CYP4Z1: variants seen among roughly 807,000 people sequenced by gnomAD.
CYP4Z1 encodes the protein cytochrome P450 4Z1.
A neutral mutation model predicts 54.2 loss-of-function variants in CYP4Z1; 41 were observed. The observed-to-expected ratio is 0.76, with a 90% CI of 0.59 to 0.98. The LOEUF (loss-of-function observed/expected upper bound fraction) is 0.98, where lower values mean the gene tolerates loss of function less well. CYP4Z1 is among the 50% of genes least tolerant of loss of function. CYP4Z1 has a pLI of 0.00. For missense variants in CYP4Z1, 513 were observed against 599.0 expected, an observed-to-expected ratio of 0.86 and a Z score of 1.50; for synonymous variants, 163 against 206.2, an observed-to-expected ratio of 0.79 and a Z score of 1.79.
At chr1:47,073,883 A>G (rs572640175) in intron 2 of CYP4Z1, among the ~76,000 whole-genome samples, 2 of 152,356 alleles carry the variant, frequency 1.3e-5, no homozygotes, top group East Asian at 1.9e-4. Context: ...AACATTTTCT[A>G]TTATTTTGTG....
intron 9 of CYP4Z1, among the ~76,000 whole-genome samples, chr1:47,112,347 A>C (rs990033017): frequency 2.6e-5 from 4 of 152,240 alleles, no homozygotes; most frequent in African/African-American, 9.6e-5. Flanking sequence ...CAATTTTCAC[A>C]GGACTAGAGA....
chr1:47,101,280 T>A (rs1644719632), intron 8 of CYP4Z1, among the ~76,000 whole-genome samples: 1 of 152,066 alleles, frequency 6.6e-6, no homozygotes, highest in South Asian at 2.1e-4. Context: ...ATTTCTTTCC[T>A]TCTACTAATT....
At chr1:47,077,036 C>G (rs1481821637) in intron 2 of CYP4Z1, among the ~76,000 whole-genome samples, 6 of 151,496 alleles carry the variant, frequency 4.0e-5, no homozygotes, top group African/African-American at 2.4e-5. Context: ...CCCATGTGTA[C>G]TTGAGAAGAA....
chr1:47,100,833 A>G (rs1011023565), intron 8 of CYP4Z1, among the ~76,000 whole-genome samples: 11 of 152,202 alleles, frequency 7.2e-5, no homozygotes, highest in African/African-American at 2.2e-4. Context: ...TATCCCTCAC[A>G]GATAAGTGGG....
chr1:47,095,986 A>G (rs1644673944), intron 7 of CYP4Z1, among the ~76,000 whole-genome samples: 1 of 152,206 alleles, frequency 6.6e-6, no homozygotes, highest in African/African-American at 2.4e-5. Flanking sequence ...TGTGAACTCA[A>G]CTTTCATTGT....
intron 2 of CYP4Z1, among the ~76,000 whole-genome samples, chr1:47,077,929 A>G (rs1007031171): frequency 1.3e-5 from 2 of 151,876 alleles, no homozygotes; most frequent in Non-Finnish European, 2.9e-5. Context: ...TGTCATATAT[A>G]TTTTATGTTC....
At chr1:47,061,689 A>G in the CYP4Z1 span, among the ~76,000 whole-genome samples, 1 of 152,216 alleles carries the variant, frequency 6.6e-6, no homozygotes, top group South Asian at 2.1e-4. Context: ...CTATAAGACC[A>G]GCATCATCCT....
intron 6 of CYP4Z1, among the ~76,000 whole-genome samples, chr1:47,093,365 C>A (rs1385676434): frequency 6.6e-6 from 1 of 152,112 alleles, no homozygotes; most frequent in African/African-American, 2.4e-5. Flanking sequence ...AGCTATGGAA[C>A]CAGATGAACT....
At chr1:47,091,995 C>T (rs1388620535) in intron 6 of CYP4Z1, among the ~76,000 whole-genome samples, 3 of 151,936 alleles carry the variant, frequency 2.0e-5, no homozygotes, top group Non-Finnish European at 4.4e-5. Flanking sequence ...CCAGGGCTCC[C>T]GTGCTGTAAT....
chr1:47,101,967 C>T (rs1397605878), intron 8 of CYP4Z1, among the ~76,000 whole-genome samples: 4 of 152,286 alleles, frequency 2.6e-5, no homozygotes, highest in African/African-American at 9.6e-5. Flanking sequence ...CATGTTTAGA[C>T]TGTTATAGCC....
upstream of CYP4Z1, among the ~76,000 whole-genome samples, chr1:47,066,182 T>C (rs1351699011): frequency 2.6e-5 from 4 of 152,118 alleles, no homozygotes; most frequent in Non-Finnish European, 5.9e-5. Flanking sequence ...AATCACTCTG[T>C]GAAGCCAGTA....
chr1:47,061,537 TAA>T, the CYP4Z1 span, among the ~76,000 whole-genome samples: 1 of 152,114 alleles, frequency 6.6e-6, no homozygotes, highest in African/African-American at 2.4e-5. Context: ...GAATGAGTAA[TAA>T]ATAGTCTACC....
chr1:47,109,664 T>A (rs1318069103), intron 9 of CYP4Z1, among the ~76,000 whole-genome samples: 1 of 152,182 alleles, frequency 6.6e-6, no homozygotes, highest in African/African-American at 2.4e-5. Flanking sequence ...ACTAATCTTA[T>A]TAAGAGATAT....
chr1:47,076,608 G>A (rs1167094216), intron 2 of CYP4Z1, among the ~76,000 whole-genome samples: 1 of 151,954 alleles, frequency 6.6e-6, no homozygotes, highest in Non-Finnish European at 1.5e-5. Flanking sequence ...CACTTTGGGA[G>A]GCCGAGGCGG....
intron 1 of CYP4Z1, 37 bp downstream of exon 1, chr1:47,067,704 A>G: frequency 6.5e-7 from 1 of 1,530,252 alleles, no homozygotes; most frequent in South Asian, 1.3e-5. Context: ...GTTAAGGGAC[A>G]GAAAGATGAG....
At chr1:47,095,939 TAG>T (rs1416834356) in intron 7 of CYP4Z1, among the ~76,000 whole-genome samples, 9 of 152,110 alleles carry the variant, frequency 5.9e-5, no homozygotes, top group African/African-American at 2.2e-4. Flanking sequence ...CAAAAATAAA[TAG>T]ATACTCTGTG....
the CYP4Z1 span, among the ~76,000 whole-genome samples, chr1:47,055,773 TA>T: frequency 6.6e-6 from 1 of 152,228 alleles, no homozygotes; most frequent in Admixed American, 6.5e-5. Flanking sequence ...ATATCCCCTT[TA>T]TCATTTTTTA....
At position 47,086,284 on chromosome 1, in the gene CYP4Z1, G is replaced by A. The variant is rs535398728; in HGVS notation, c.772+1306G>A. 4.6e-5 allele frequency among the ~76,000 whole-genome samples: 7 copies of A among 152,266 alleles called. No individual in the cohort carries two copies. In the South Asian group the frequency reaches 8.3e-4, roughly 18 times the overall value. ...GAATCGCCACACTGTCTTCCACAAT[G>A]GATGAACTAGTTTACAGTCCCACCA... On this transcript the variant is annotated intron_variant, in intron 6 of 11. Transcript: ENST00000334194.
intron 4 of CYP4Z1, among the ~76,000 whole-genome samples, chr1:47,082,903 T>C (rs1280001208): frequency 2.0e-5 from 3 of 150,180 alleles, no homozygotes; most frequent in Admixed American, 2.0e-4. Flanking sequence ...AAGATGGCCT[T>C]GTGGTCAAGG....
Sources: allele counts gnomAD v4.1 joint callset (sites outside exome capture counted in the v4.1 genomes callset), GRCh38; gene constraint gnomAD v4.1.1; transcripts MANE v1.5; gene names NCBI Gene and HGNC (gene_info 2026-07-23, HGNC 2026-07-21).